TRAK1: variants seen among roughly 807,000 people sequenced by gnomAD.
TRAK1 encodes the protein trafficking kinesin-binding protein 1.
A neutral mutation model predicts 92.1 loss-of-function variants in TRAK1; 33 were observed. That is an observed-to-expected ratio of 0.36 (90% CI 0.27 to 0.48). The LOEUF (loss-of-function observed/expected upper bound fraction) is 0.48. Ranked by LOEUF, TRAK1 falls within the 20% of genes least tolerant of loss-of-function variation. TRAK1 has a pLI of 0.99. For missense variants in TRAK1, 1,123 were observed against 1,257.9 expected, an observed-to-expected ratio of 0.89 and a Z score of 1.62; for synonymous variants, 521 against 517.3, an observed-to-expected ratio of 1.01 and a Z score of -0.10.
Position 42,225,611 on chromosome 3 carries a change from T to C in TRAK1, c.*1874T>C, listed in dbSNP as rs568514055. 1.3e-5 allele frequency: 2 copies of C among 152,322 alleles called. No individual in the cohort carries two copies. The highest frequency in any genetic ancestry group is 1.9e-4 in the East Asian group (1 of 5,186). The allele number at this position is 152,322 out of a possible 1,614,324, so 9.4% of individuals were successfully genotyped here. A position where few individuals can be genotyped will look rare whatever the true frequency, so the allele number is the denominator to read the frequency against. ...CCACTCATCATTGCCAGAAATACCA[T>C]GTAAAAATTGGCAGTTCAGAGGTTG... On this transcript the variant is annotated 3_prime_UTR_variant, in exon 16 of 16. Coordinates refer to ENST00000327628, the MANE Select transcript of TRAK1 (RefSeq NM_001042646.3).
intron 13 of TRAK1, chr3:42,203,295 C>G (rs1378036254): frequency 3.0e-6 from 3 of 995,848 alleles, no homozygotes; most frequent in Non-Finnish European, 3.6e-6. Flanking sequence ...TTGGCAGATG[C>G]AGTATGTTCT....
rs1381057892 is a variant in TRAK1 at position 42,224,604 on chromosome 3, C to T, written c.*867C>T. On this transcript the variant is annotated 3_prime_UTR_variant, in exon 16 of 16. Coordinates refer to ENST00000327628, the MANE Select transcript of TRAK1 (RefSeq NM_001042646.3). ...CACCAAGCCGCTAATGAGATAGCAG[C>T]TTTTTTCTGGGACCCAGAGTCACAA... The T allele has an allele frequency of 2.0e-5, 3 of 152,274 alleles. No homozygotes were observed. The highest frequency in any genetic ancestry group is 7.2e-5 in the African/African-American group (3 of 41,434). The allele number at this position is 152,274 out of a possible 1,614,324, so 9.4% of individuals were successfully genotyped here.
intron 1 of TRAK1, among the ~76,000 whole-genome samples, chr3:42,092,711 G>GTGTTGTGTTATGTTA (rs1400587515): frequency 0.023 from 2,315 of 100,874 alleles, 31 homozygotes; most frequent in Middle Eastern, 0.038. Flanking sequence ...GTGTTGTGTT[G>GTGTTGTGTTATGTTA]TGTTATGTTA....
At chr3:42,160,401 G>C (rs780086441) in intron 2 of TRAK1, 3 of 1,614,182 alleles carry the variant, frequency 1.9e-6, no homozygotes, top group East Asian at 4.5e-5. Context: ...AGAATGTTTT[G>C]AATACGACTG....
intron 2 of TRAK1, among the ~76,000 whole-genome samples, chr3:42,150,082 T>A (rs1256750318): frequency 6.6e-6 from 1 of 151,920 alleles, no homozygotes; most frequent in East Asian, 1.9e-4. Flanking sequence ...CTGGGAACCA[T>A]CAGAGGCTGG....
chr3:42,029,555 T>A (rs1211308696), intron 1 of TRAK1, among the ~76,000 whole-genome samples: 1 of 151,570 alleles, frequency 6.6e-6, no homozygotes, highest in African/African-American at 2.4e-5. Flanking sequence ...TAGAATTTTT[T>A]TTTTTTTTTT....
At chr3:42,181,885 C>T (rs1472042773) in intron 3 of TRAK1, among the ~76,000 whole-genome samples, 2 of 151,890 alleles carry the variant, frequency 1.3e-5, no homozygotes, top group Non-Finnish European at 2.9e-5. Flanking sequence ...TCTTTGAATC[C>T]TTTCCTCTAG....
chr3:42,191,125 A>G (rs1705663078), intron 6 of TRAK1, among the ~76,000 whole-genome samples: 1 of 152,294 alleles, frequency 6.6e-6, no homozygotes, highest in South Asian at 2.1e-4. Context: ...TGCCTGGCAC[A>G]TAGTAAGTGT....
At chr3:42,052,119 A>T (rs965317787) in intron 1 of TRAK1, among the ~76,000 whole-genome samples, 1 of 152,220 alleles carries the variant, frequency 6.6e-6, no homozygotes, top group African/African-American at 2.4e-5. Flanking sequence ...TAAATTAAAG[A>T]AGCACCACCT....
At chr3:42,040,697 G>A (rs1172689079) in intron 1 of TRAK1, among the ~76,000 whole-genome samples, 1 of 137,722 alleles carries the variant, frequency 7.3e-6, no homozygotes, top group Non-Finnish European at 1.6e-5. Context: ...TTTTTTTTGA[G>A]ACGGAGTCTC....
At chr3:42,139,799 C>A (rs752346474) in intron 2 of TRAK1, among the ~76,000 whole-genome samples, 1 of 152,154 alleles carries the variant, frequency 6.6e-6, no homozygotes, top group African/African-American at 2.4e-5. Flanking sequence ...GGGAAATTGA[C>A]ATGACAGCTC....
chr3:42,203,366 G>A (rs1031094499), intron 13 of TRAK1: 9 of 986,428 alleles, frequency 9.1e-6, no homozygotes, highest in Non-Finnish European at 1.1e-5. Context: ...GGAGACAAGT[G>A]AGTTTTGTAC....
chr3:42,151,909 A>G (rs1337083588), intron 2 of TRAK1, among the ~76,000 whole-genome samples: 2 of 152,236 alleles, frequency 1.3e-5, no homozygotes, highest in African/African-American at 4.8e-5. Context: ...TGATACTAAT[A>G]AAAGGTGAGT....
chr3:42,158,352 G>A (rs1025296494), intron 2 of TRAK1, among the ~76,000 whole-genome samples: 1 of 152,118 alleles, frequency 6.6e-6, no homozygotes, highest in African/African-American at 2.4e-5. Context: ...CACGCACAAG[G>A]TGGAGGTTCT....
In TRAK1 at chr3:42,202,856, T is replaced by C; in HGVS notation, c.1744+104T>C. 6.6e-7 allele frequency: 1 copy of C among 1,514,242 alleles called. No individual in the cohort carries two copies. Among genetic ancestry groups the C allele is most frequent in the Non-Finnish European group, 8.9e-7 (1 of 1,128,974 alleles). The allele number at this position is 1,514,242 out of a possible 1,614,324, so 93.8% of individuals were successfully genotyped here. A position where few individuals can be genotyped will look rare whatever the true frequency, so the allele number is the denominator to read the frequency against. On this transcript the variant is annotated intron_variant, in intron 13 of 15. Coordinates refer to ENST00000327628, the MANE Select transcript of TRAK1 (RefSeq NM_001042646.3). This position sits in a 1 kb window ranked among gnomAD's most constrained non-coding sequence, Gnocchi z 6.1. ...GGCACCTCTGTCACGCCTACTCCTT[T>C]TTCTTCCGCGACAGCCACCCGCGCT...
intron 10 of TRAK1, among the ~76,000 whole-genome samples, chr3:42,196,980 TCTTTC>T: frequency 1.0e-5 from 1 of 96,018 alleles, no homozygotes; most frequent in East Asian, 2.7e-4. Flanking sequence ...TCTCTCTTTC[TCTTTC>T]TCTCTCTCTC....
intron 1 of TRAK1, among the ~76,000 whole-genome samples, chr3:42,026,982 C>T (rs981935551): frequency 2.0e-5 from 3 of 152,140 alleles, no homozygotes; most frequent in Non-Finnish European, 4.4e-5. Context: ...AGGAAATGGG[C>T]TCTTATGTGA....
intron 14 of TRAK1, chr3:42,211,369 A>G (rs1559394643): frequency 1.0e-6 from 1 of 984,922 alleles, no homozygotes; most frequent in East Asian, 1.1e-4. Flanking sequence ...TTATGGTTTG[A>G]TTTTTTTTAG....
At chr3:42,169,366 A>G (rs1702266568) in intron 2 of TRAK1, among the ~76,000 whole-genome samples, 1 of 152,020 alleles carries the variant, frequency 6.6e-6, no homozygotes, top group Non-Finnish European at 1.5e-5. Flanking sequence ...CAATTGATGG[A>G]CTTTTTTGGC....
Sources: allele counts gnomAD v4.1 joint callset (sites outside exome capture counted in the v4.1 genomes callset), GRCh38; gene constraint gnomAD v4.1.1; non-coding constraint Gnocchi (gnomAD v3.1); transcripts MANE v1.5; gene names NCBI Gene and HGNC (gene_info 2026-07-23, HGNC 2026-07-21).